Variants in TTN observed in about 807,000 individuals in gnomAD.
The protein encoded by TTN is connectin.
TTN carries 1,525 observed loss-of-function variants against 3,223.0 expected under a neutral mutation model. The ratio of observed to expected loss-of-function variants is 0.47; its 90% CI spans 0.45 to 0.49. The LOEUF is 0.49. Ranked by LOEUF, TTN falls within the 20% of genes least tolerant of loss-of-function variation. The pLI is 0.00. For synonymous variants in TTN, 14,094 were observed against 15,161.0 expected, an observed-to-expected ratio of 0.93 and a Z score of 5.17; for missense variants, 40,786 against 43,424.0, an observed-to-expected ratio of 0.94 and a Z score of 5.40.
chr2:178,744,608 A>G, intron 47 of TTN: 1 of 933,084 alleles, frequency 1.1e-6, no homozygotes, highest in Non-Finnish European at 1.3e-6. Context: ...AGTGAAACTG[A>G]TAGGAAAGCT....
rs1216073181 is a variant in TTN, at chr2:178,568,602, T to A, written c.77530A>T (p.Ile25844Phe). ...AGATCCAGTGAATCGGTAACATTGA[T>A]TCTTGTGGTCTGCTTCAGTGGGAGA... ...DGLPLKQTTR[I>F]NVTDSLDLTT... Residue 25844 changes from isoleucine to phenylalanine, a missense_variant, in exon 326 of 363, where the codon ATC becomes TTC. Transcript: ENST00000589042. The A allele has an allele frequency of 6.2e-7, 1 of 1,613,448 alleles. No homozygotes were observed. The highest frequency in any genetic ancestry group is 8.5e-7 in the Non-Finnish European group (1 of 1,179,542).
Position 178,608,690 on chromosome 2 carries a change from A to G in TTN, c.52321T>C (p.Tyr17441His). 1 of 1,612,272 alleles carries G rather than the reference A, an allele frequency of 6.2e-7. No homozygotes were observed. Among genetic ancestry groups the G allele is most frequent in the Non-Finnish European group, 8.5e-7 (1 of 1,179,060 alleles). ...SVTKLIEGKEYLFRVRAENRF... is the reference protein window; with the variant it reads ...SVTKLIEGKEHLFRVRAENRF... Reference sequence around the variant, plus strand: ...TTTTCAGCTCTTACACGGAAGAGGTACTCTTTTCCTTCAATCAGTTTTGTT... The same window carrying G: ...TTTTCAGCTCTTACACGGAAGAGGTGCTCTTTTCCTTCAATCAGTTTTGTT... The change falls in exon 274 of 363, where the codon TAC becomes CAC. Residue 17441 changes from tyrosine (Y) to histidine (H), a missense_variant. Physicochemically the swap from Tyr to His is moderately conservative, Grantham distance 83. Transcript: ENST00000589042.
chr2:178,767,764 C>T lies in TTN; in HGVS notation c.9466G>A (p.Val3156Ile). 2 of 1,613,978 alleles carry T rather than the reference C, an allele frequency of 1.2e-6. No individual in the cohort carries two copies. Among genetic ancestry groups the T allele is most frequent in the East Asian group, 2.2e-5 (1 of 44,876 alleles). Residue 3156 changes from valine to isoleucine, a missense_variant, in exon 40 of 363, where the codon GTT (valine) becomes ATT (isoleucine). By Grantham distance (29) the Val-to-Ile change is conservative. Transcript: ENST00000589042. ...DVRIRSIKKEVQVIEKQRAVV... is the reference protein window; with the variant it reads ...DVRIRSIKKEIQVIEKQRAVV... ...ATTTAGTATGTAGACAATACCTGAA[C>T]CTCCTTTTTAATACTTCGGATGCGA...
rs1218287371 is a variant in TTN, at chr2:178,571,089, C to T, written c.75043G>A (p.Ala25015Thr). ...DPCDPPGRPE[A>T]IIVTRNSVTL... ...ACAGAATTCCTTGTGACAATGATTG[C>T]CTCTGGCCGTCCTGGTGGATCACAT... Residue 25015 changes from alanine (A) to threonine (T), a missense_variant, in exon 326 of 363, where the codon GCA becomes ACA. Physicochemically the swap from Ala to Thr is moderately conservative, Grantham distance 58. Coordinates refer to ENST00000589042, the MANE Select transcript of TTN (RefSeq NM_001267550.2). 1.9e-6 allele frequency: 3 copies of T among 1,613,316 alleles called. No homozygotes were observed. The highest frequency in any genetic ancestry group is 1.7e-5 in the Admixed American group (1 of 59,980).
Position 178,608,050 on chromosome 2 carries a change from A to C in TTN, c.52737T>G (p.Thr17579=). 1 of 1,612,650 alleles carries C rather than the reference A, an allele frequency of 6.2e-7. No individual in the cohort carries two copies. Among genetic ancestry groups the C allele is most frequent in the Non-Finnish European group, 8.5e-7 (1 of 1,179,256 alleles). The change falls in exon 276 of 363, where the codon ACT becomes ACG. Residue 17579 remains threonine (T), a synonymous_variant. Transcript: ENST00000589042. ...GTTCAATAGTTGTAGAGCTTGTGTC[A>C]GTGACTCTTGGGATAGGTGGCCCAG... is the stretch of plus-strand genomic sequence containing the variant. ...SPPGPPIPRV[T]DTSSTTIELE...
At chr2:178,625,743 GTTTA>G (rs1020718711) in intron 240 of TTN, among the ~76,000 whole-genome samples, 10 of 151,926 alleles carry the variant, frequency 6.6e-5, no homozygotes, top group Admixed American at 5.3e-4. Flanking sequence ...GCACACGTAT[GTTTA>G]TTGTGGCATT....
Position 178,651,442 on chromosome 2 carries a change from G to A in TTN, c.39547+11C>T, listed in dbSNP as rs1307477197. On this transcript the variant is annotated intron_variant, in intron 207 of 362. Transcript: ENST00000589042. ...ATCCGCCCCCATCAAACAGTGGACA[G>A]CCACATATACCTTTAGCAGGTGGGG... 6.8e-6 allele frequency: 11 copies of A among 1,606,916 alleles called. No homozygotes were observed. The highest frequency in any genetic ancestry group is 9.3e-6 in the Non-Finnish European group (11 of 1,177,734).
chr2:178,737,706 T>A (rs1377796049), intron 49 of TTN, among the ~76,000 whole-genome samples: 1 of 152,238 alleles, frequency 6.6e-6, no homozygotes, highest in African/African-American at 2.4e-5. Flanking sequence ...AGACACTGAC[T>A]TTTTTAAGTT....
rs1160559372 is a variant in TTN at position 178,783,804 on chromosome 2, T to C, written c.2776-19A>G. 1 of 1,604,368 alleles carries C rather than the reference T, an allele frequency of 6.2e-7. No individual in the cohort carries two copies. Among genetic ancestry groups the C allele is most frequent in the Admixed American group, 1.7e-5 (1 of 59,972 alleles). Reference sequence around the variant, plus strand: ...CTGTTACCTAGATTTTTACAAATTATATTACAAAATGCTCATGAAATTAAG... The same window carrying C: ...CTGTTACCTAGATTTTTACAAATTACATTACAAAATGCTCATGAAATTAAG... On this transcript the variant is annotated intron_variant, in intron 16 of 362. Transcript: ENST00000589042.
In TTN at chr2:178,604,051, A is replaced by C. The variant is rs397517620; in HGVS notation, c.54636T>G (p.Tyr18212Ter). 6.2e-7 allele frequency: 1 copy of C among 1,612,926 alleles called. No homozygotes were observed. Among genetic ancestry groups the C allele is most frequent in the Non-Finnish European group, 8.5e-7 (1 of 1,179,202 alleles). The change falls in exon 282 of 363, where the codon TAT (tyrosine) becomes TAG (stop). Residue 18212 changes from tyrosine (Y) to a stop codon, truncating the protein, a stop_gained. Coordinates refer to ENST00000589042, the MANE Select transcript of TTN (RefSeq NM_001267550.2). LOFTEE classifies it high-confidence loss of function. ...WLEKREEGSP[Y>*]WSRVSRAPIT... ...TTGGTGCTCGGCTAACACGTGACCA[A>C]TAAGGACTTCCCTCTTCTCTTTTCT... is the stretch of plus-strand genomic sequence containing the variant.
rs747751433 is a variant in TTN, at chr2:178,712,192, G to A, written c.27638C>T (p.Pro9213Leu). 1.1e-5 allele frequency: 17 copies of A among 1,613,308 alleles called. No homozygotes were observed. The highest frequency in any genetic ancestry group is 4.0e-5 in the African/African-American group (3 of 74,872). The change falls in exon 96 of 363, where the codon CCG (proline) becomes CTG (leucine). Residue 9213 changes from proline (P) to leucine (L), a missense_variant. By Grantham distance (98) the Pro-to-Leu change is moderately conservative. Coordinates refer to ENST00000589042, the MANE Select transcript of TTN (RefSeq NM_001267550.2). ...EPPYFVKQLEPVKVSVGDSAS... is the reference protein window; with the variant it reads ...EPPYFVKQLELVKVSVGDSAS... Reference sequence around the variant, plus strand: ...AGAATCTCCAACAGACACCTTAACCGGCTCCAACTGCTTGACAAAATACGG... The same window carrying A: ...AGAATCTCCAACAGACACCTTAACCAGCTCCAACTGCTTGACAAAATACGG...
rs768411147 is a variant in TTN, at chr2:178,604,908, A to G, written c.54191-10T>C. ...GGTGGGGATGGGCGGTCTGGAAAGG[A>G]ATCAACAGAGAATATTGAGAAGGCA... On this transcript the variant is annotated splice_polypyrimidine_tract_variant and intron_variant, in intron 280 of 362. Coordinates refer to ENST00000589042, the MANE Select transcript of TTN (RefSeq NM_001267550.2). 1 of 1,609,374 alleles carries G rather than the reference A, an allele frequency of 6.2e-7. No homozygotes were observed. The highest frequency in any genetic ancestry group is 1.1e-5 in the South Asian group (1 of 90,504).
In TTN at chr2:178,776,545, A is replaced by T. The variant is rs147314442; in HGVS notation, c.5319T>A (p.Gly1773=). Residue 1773 remains glycine (G), a synonymous_variant, in exon 28 of 363, where the codon GGT becomes GGA. Transcript: ENST00000589042. ...TGTTAGTGGCTCTGCAAGTAATGAT[A>T]CCACTGTCTCTAGAATATGCAACGC... The part of the protein sequence containing the change: ...DYGVAYSRDS[G]IITCRATNKY... The T allele has an allele frequency of 1.9e-6, 3 of 1,611,774 alleles. No homozygotes were observed. The East Asian group carries it at 6.7e-5, about 36-fold the overall frequency.
Position 178,764,510 on chromosome 2 carries a change from T to C in TTN, c.9988+17A>G. The C allele has an allele frequency of 6.2e-7, 1 of 1,613,806 alleles. No individual in the cohort carries two copies. Among genetic ancestry groups the C allele is most frequent in the Non-Finnish European group, 8.5e-7 (1 of 1,179,860 alleles). On this transcript the variant is annotated intron_variant, in intron 42 of 362. Transcript: ENST00000589042. Reference sequence around the variant, plus strand: ...CTTAGGTTTTATTTTCAGCTGGAAGTAGCGAGGCATTCCTACCTTCCACTG... The same window carrying C: ...CTTAGGTTTTATTTTCAGCTGGAAGCAGCGAGGCATTCCTACCTTCCACTG...
intron 218 of TTN, among the ~76,000 whole-genome samples, chr2:178,643,891 T>C (rs2061551022): frequency 6.6e-6 from 1 of 152,020 alleles, no homozygotes; most frequent in South Asian, 2.1e-4. Flanking sequence ...ATTATGTTTA[T>C]TTTTGATAGA....
In TTN at chr2:178,773,324, G is replaced by A; in HGVS notation, c.7640C>T (p.Thr2547Ile). Residue 2547 changes from threonine to isoleucine, a missense_variant, in exon 33 of 363, where the codon ACT (threonine) becomes ATT (isoleucine). Physicochemically the swap from Thr to Ile is moderately conservative, Grantham distance 89. Transcript: ENST00000589042. ...RGLRDLTCTETQNVVFEVELS... is the reference protein window; with the variant it reads ...RGLRDLTCTEIQNVVFEVELS... ...CTCAACCTCAAACACCACATTTTGAGTTTCTGTACAGGTAAGGTCACGAAG... is the reference window on the plus strand; with the variant it reads ...CTCAACCTCAAACACCACATTTTGAATTTCTGTACAGGTAAGGTCACGAAG... The A allele has an allele frequency of 1.2e-6, 2 of 1,613,924 alleles. No individual in the cohort carries two copies. Among genetic ancestry groups the A allele is most frequent in the Non-Finnish European group, 1.7e-6 (2 of 1,179,974 alleles).
chr2:178,559,377 C>T lies in TTN; in HGVS notation c.86755G>A (p.Val28919Ile). The change falls in exon 326 of 363, where the codon GTC becomes ATC. Residue 28919 changes from valine to isoleucine, a missense_variant. Physicochemically the swap from Val to Ile is conservative, Grantham distance 29. Coordinates refer to ENST00000589042, the MANE Select transcript of TTN (RefSeq NM_001267550.2). Reference protein sequence around the residue: ...LQEGAIYYFRVSGENEFGVGI... With the variant: ...LQEGAIYYFRISGENEFGVGI... Reference sequence around the variant, plus strand: ...ACACCAAACTCATTTTCTCCAGAGACTCTGAAGTAATAGATAGCTCCTTCT... The same window carrying T: ...ACACCAAACTCATTTTCTCCAGAGATTCTGAAGTAATAGATAGCTCCTTCT... The T allele has an allele frequency of 6.2e-7, 1 of 1,613,608 alleles. No individual in the cohort carries two copies. The highest frequency in any genetic ancestry group is 8.5e-7 in the Non-Finnish European group (1 of 1,179,622).
rs749647536 is a variant in TTN, at chr2:178,551,753, C to G, written c.91147G>C (p.Glu30383Gln). The change falls in exon 335 of 363, where the codon GAA becomes CAA. Residue 30383 changes from glutamate to glutamine, a missense_variant. Coordinates refer to ENST00000589042, the MANE Select transcript of TTN (RefSeq NM_001267550.2). ...KVNTSPISGR[E>Q]YRATGLVEGL... The stretch of plus-strand genomic sequence containing the variant: ...TCTACCAGTCCAGTGGCTCTATATT[C>G]TCTTCCAGAGATTGGTGATGTATTA... 2 of 1,613,860 alleles carry G rather than the reference C, an allele frequency of 1.2e-6. No homozygotes were observed. Among genetic ancestry groups the G allele is most frequent in the Non-Finnish European group, 1.7e-6 (2 of 1,179,794 alleles).
Position 178,568,116 on chromosome 2 carries a change from A to T in TTN, c.78016T>A (p.Ser26006Thr), listed in dbSNP as rs749079480. The T allele has an allele frequency of 6.2e-7, 1 of 1,613,318 alleles. No individual in the cohort carries two copies. Among genetic ancestry groups the T allele is most frequent in the Non-Finnish European group, 8.5e-7 (1 of 1,179,578 alleles). Residue 26006 changes from serine to threonine, a missense_variant, in exon 326 of 363, where the codon TCC (serine) becomes ACC (threonine). By Grantham distance (58) the Ser-to-Thr change is moderately conservative. Transcript: ENST00000589042. ...GGTTCATGCCACTGTATGACCATGG[A>T]GTCTTTGGAAATGGCTGTGGCAAAT... ...TPFATAISKD[S>T]MVIQWHEPVN... is the part of the protein sequence containing the mutation.
Sources: gnomAD v4.1 joint callset for allele counts (sites outside exome capture counted in the v4.1 genomes callset) on GRCh38, gnomAD v4.1.1 for gene constraint, MANE v1.5 for transcripts, NCBI Gene and HGNC (gene_info 2026-07-23, HGNC 2026-07-21) for gene names.